ROBO2: variants seen among roughly 807,000 people sequenced by gnomAD.
ROBO2 encodes roundabout homolog 2.
Under a neutral mutation model 160.8 loss-of-function variants are expected in ROBO2, and 53 were observed. That is an observed-to-expected ratio of 0.33 (90% CI 0.26 to 0.41). ROBO2 has a LOEUF of 0.41. Ranked by LOEUF, ROBO2 falls within the 10% of genes least tolerant of loss-of-function variation. ROBO2 has a pLI of 1.00. For synonymous variants in ROBO2, 664 were observed against 611.7 expected (o/e 1.09, Z -1.26); for missense variants, 1,577 against 1,722.4 (o/e 0.92, Z 1.49).
intron 21 of ROBO2, among the ~76,000 whole-genome samples, chr3:77,615,383 C>T (rs1262615610): frequency 6.6e-6 from 1 of 152,132 alleles, no homozygotes; most frequent in Non-Finnish European, 1.5e-5. Flanking sequence ...TTAGGGTTCT[C>T]TCTGTGTTGC....
chr3:76,338,828 GTCTT>G (rs921598883), intron 2 of ROBO2, among the ~76,000 whole-genome samples: 1 of 151,602 alleles, frequency 6.6e-6, no homozygotes, highest in African/African-American at 2.4e-5. Context: ...GAACCACTGT[GTCTT>G]TCTAAAATCT....
intron 2 of ROBO2, among the ~76,000 whole-genome samples, chr3:76,703,077 C>G (rs1187429231): frequency 6.6e-6 from 1 of 152,114 alleles, no homozygotes; most frequent in Non-Finnish European, 1.5e-5. Flanking sequence ...TGAACCACTA[C>G]TAGTGTTTGT....
intron 2 of ROBO2, among the ~76,000 whole-genome samples, chr3:76,417,344 C>A (rs916331897): frequency 6.6e-6 from 1 of 152,168 alleles, no homozygotes; most frequent in African/African-American, 2.4e-5. Flanking sequence ...TTCACAGTGT[C>A]CATTCTAGGA....
intron 2 of ROBO2, among the ~76,000 whole-genome samples, chr3:77,184,140 G>A (rs1341723876): frequency 1.3e-5 from 2 of 151,962 alleles, no homozygotes; most frequent in Non-Finnish European, 2.9e-5. Context: ...TCTTACTGCT[G>A]GACAACATAA....
At chr3:76,373,815 T>TA (rs1410193174) in intron 2 of ROBO2, among the ~76,000 whole-genome samples, 11 of 152,118 alleles carry the variant, frequency 7.2e-5, no homozygotes, top group African/African-American at 2.2e-4. Context: ...CTGCTGATCT[T>TA]GTCAGACTAA....
chr3:76,413,259 T>C (rs1318938584), intron 2 of ROBO2, among the ~76,000 whole-genome samples: 1 of 152,198 alleles, frequency 6.6e-6, no homozygotes, highest in African/African-American at 2.4e-5. Flanking sequence ...TGAAGGTCTC[T>C]GACATGGCTT....
intron 2 of ROBO2, among the ~76,000 whole-genome samples, chr3:76,123,784 G>T (rs981384754): frequency 6.6e-6 from 1 of 151,894 alleles, no homozygotes; most frequent in African/African-American, 2.4e-5. Context: ...TATTAGCTTC[G>T]TCTTACACCT....
rs925892021 is a variant in ROBO2 at position 77,503,449 on chromosome 3, G to T, written c.806+10067G>T. 4.3e-4 allele frequency among the ~76,000 whole-genome samples: 65 copies of T among 151,080 alleles called. 1 individual carries two copies. In the East Asian group the frequency reaches 0.012, roughly 28 times the overall value. ...TGAGGCAGGAGAATGGCGTCAACCC[G>T]GGAGGCAGAGCTTGCAGTGAGCCAA... is the stretch of plus-strand genomic sequence containing the variant. On this transcript the variant is annotated intron_variant, in intron 5 of 25. Transcript: ENST00000461745.
chr3:76,752,305 G>C (rs1348837432), intron 2 of ROBO2, among the ~76,000 whole-genome samples: 2 of 151,808 alleles, frequency 1.3e-5, no homozygotes, highest in African/African-American at 4.8e-5. Context: ...GGGGTAGGGG[G>C]GAGGGATAGC....
At position 76,272,777 on chromosome 3, in the gene ROBO2, T is replaced by A. The variant is rs1414060133; in HGVS notation, c.109+335175T>A. Among the ~76,000 whole-genome samples the A allele has an allele frequency of 1.4e-3, 34 of 23,858 alleles. 4 individuals carry two copies. Among genetic ancestry groups the A allele is most frequent in the African/African-American group, 3.4e-3 (33 of 9,834 alleles). 15.7% of individuals were successfully genotyped at this position (23,858 alleles called of 152,430 possible). ...TAAATATATAATATATATTTATATA[T>A]AAAATATATAAAATATATATATATA... On this transcript the variant is annotated intron_variant, in intron 2 of 26. Transcript: ENST00000487694.
At chr3:76,809,435 G>T (rs1283028213) in intron 2 of ROBO2, among the ~76,000 whole-genome samples, 2 of 152,120 alleles carry the variant, frequency 1.3e-5, no homozygotes, top group Admixed American at 1.3e-4. Context: ...CAGTAAGGGA[G>T]AAAAGCCTCT....
intron 2 of ROBO2, among the ~76,000 whole-genome samples, chr3:76,349,904 C>A (rs570123194): frequency 6.6e-6 from 1 of 152,136 alleles, no homozygotes; most frequent in African/African-American, 2.4e-5. Context: ...TAAGCATGCC[C>A]GCCCATTGCT....
intron 2 of ROBO2, among the ~76,000 whole-genome samples, chr3:76,378,800 C>G (rs925294727): frequency 6.6e-5 from 10 of 152,106 alleles, no homozygotes; most frequent in African/African-American, 2.4e-4. Context: ...AAACTAGAGA[C>G]AGAATATGGA....
intron 2 of ROBO2, among the ~76,000 whole-genome samples, chr3:76,527,777 G>C (rs925503846): frequency 6.6e-6 from 1 of 152,096 alleles, no homozygotes; most frequent in South Asian, 2.1e-4. Flanking sequence ...AGAAAACAGA[G>C]TAACAGGTGA....
At position 77,256,532 on chromosome 3, in the gene ROBO2, CAA is replaced by C. The variant is rs76656757; in HGVS notation, c.388+158200_388+158201del. The stretch of plus-strand genomic sequence containing the variant: ...TATGTGTGCATGTGAAAACTATAAA[CAA>C]AAAAAAATCTCTTTTATTCAGCAGA... On this transcript the variant is annotated intron_variant, in intron 2 of 25. Transcript: ENST00000461745. 6.1e-3 allele frequency among the ~76,000 whole-genome samples: 916 copies of C among 151,094 alleles called. 6 individuals are homozygous for C. Among genetic ancestry groups the C allele is most frequent in the African/African-American group, 0.021 (880 of 41,222 alleles).
At chr3:75,937,843 A>ATATT (rs1947862077) in intron 2 of ROBO2, among the ~76,000 whole-genome samples, 1 of 33,574 alleles carries the variant, frequency 3.0e-5, no homozygotes, top group South Asian at 1.8e-3. Flanking sequence ...AATTGATTTT[A>ATATT]TATATATATA....
chr3:77,509,591 C>T (rs910371971), intron 5 of ROBO2, among the ~76,000 whole-genome samples: 1 of 152,014 alleles, frequency 6.6e-6, no homozygotes, highest in Non-Finnish European at 1.5e-5. Flanking sequence ...ATAACTTGAA[C>T]AAACTTAGAG....
chr3:76,694,505 CAA>C (rs771271704), intron 2 of ROBO2, among the ~76,000 whole-genome samples: 2 of 151,952 alleles, frequency 1.3e-5, no homozygotes, highest in Non-Finnish European at 2.9e-5. Flanking sequence ...GAAAGCCACA[CAA>C]AGTCTTTCGA....
At chr3:76,735,769 AAAAAAAG>A (rs1203857812) in intron 2 of ROBO2, among the ~76,000 whole-genome samples, 28,661 of 88,776 alleles carry the variant, frequency 0.32, 5,195 homozygotes, top group African/African-American at 0.5. Flanking sequence ...CAAAAAAAAA[AAAAAAAG>A]AAAAAAAAAA....
Sources: allele counts gnomAD v4.1 joint callset (sites outside exome capture counted in the v4.1 genomes callset), GRCh38; gene constraint gnomAD v4.1.1; transcripts MANE v1.5; gene names NCBI Gene and HGNC (gene_info 2026-07-23, HGNC 2026-07-21).